Variants in SORCS2 observed in about 807,000 individuals in gnomAD.
SORCS2 encodes sortilin related VPS10 domain containing receptor 2, also known as VPS10 domain-containing receptor SorCS2.
In SORCS2, 100 loss-of-function variants were observed where a neutral mutation model predicts 141.6. The observed-to-expected ratio is 0.71, with a 90% CI of 0.60 to 0.83. The LOEUF (loss-of-function observed/expected upper bound fraction) is 0.83. SORCS2 is among the 40% of genes least tolerant of loss of function. The pLI, the probability that SORCS2 is intolerant of heterozygous loss-of-function variation, is 0.00. For synonymous variants in SORCS2, 789 were observed against 676.9 expected, an observed-to-expected ratio of 1.17 and a Z score of -2.57; for missense variants, 1,646 against 1,560.2, an observed-to-expected ratio of 1.05 and a Z score of -0.93.
chr4:7,699,402 C>A (rs147572534), intron 12 of SORCS2, among the ~76,000 whole-genome samples: 1 of 152,218 alleles, frequency 6.6e-6, no homozygotes, highest in African/African-American at 2.4e-5. Context: ...CGCCCTCCTG[C>A]CCACGCTTGG....
intron 2 of SORCS2, among the ~76,000 whole-genome samples, chr4:7,521,018 G>C (rs962769450): frequency 6.6e-6 from 1 of 152,220 alleles, no homozygotes; most frequent in South Asian, 2.1e-4. Context: ...CCAACACTGA[G>C]TTTTCTGATG....
chr4:7,605,349 T>G (rs1053454154), intron 3 of SORCS2, among the ~76,000 whole-genome samples: 1 of 152,074 alleles, frequency 6.6e-6, no homozygotes, highest in Admixed American at 6.5e-5. Context: ...TCGGGGGAGG[T>G]TAGACGGTGC....
intron 1 of SORCS2, among the ~76,000 whole-genome samples, chr4:7,227,375 G>A (rs981205898): frequency 2.0e-5 from 3 of 152,158 alleles, no homozygotes; most frequent in Admixed American, 6.5e-5. Context: ...TGCATTAACC[G>A]AGGCGAGGGA....
intron 1 of SORCS2, among the ~76,000 whole-genome samples, chr4:7,320,611 G>C (rs1718837550): frequency 6.6e-6 from 1 of 152,234 alleles, no homozygotes; most frequent in South Asian, 2.1e-4. Context: ...CCACACGTCT[G>C]GATGGAGGCT....
chr4:7,215,654 C>T lies in SORCS2; in HGVS notation c.480+22528C>T, dbSNP rs187244630. On this transcript the variant is annotated intron_variant, in intron 1 of 26. Transcript: ENST00000507866. ...GCTCAGGGATTGTAAATACACCAAT[C>T]GGCACTCTGTATCCAGCTCAAGGTT... Among the ~76,000 whole-genome samples, 720 of 152,270 alleles carry T rather than the reference C, an allele frequency of 4.7e-3. 7 individuals carry two copies. Among genetic ancestry groups the T allele is most frequent in the African/African-American group, 0.017 (697 of 41,538 alleles).
At chr4:7,338,224 G>A (rs548425507) in intron 1 of SORCS2, among the ~76,000 whole-genome samples, 3 of 151,354 alleles carry the variant, frequency 2.0e-5, no homozygotes, top group East Asian at 3.9e-4. Flanking sequence ...ATGGATGGAT[G>A]GATGTCGGAT....
At position 7,657,608 on chromosome 4, in the gene SORCS2, GGTGA is replaced by G. The variant is rs530003897; in HGVS notation, c.887+3408_887+3411del. ...GAATGAATGAGCGGGTGAGTGAGTG[GGTGA>G]GTGAGTCACTGAATGAGTTAGTGAG... On this transcript the variant is annotated intron_variant, in intron 5 of 26. Transcript: ENST00000507866. Among the ~76,000 whole-genome samples the G allele has an allele frequency of 8.7e-3, 1,323 of 151,486 alleles. 9 individuals carry two copies. The highest frequency in any genetic ancestry group is 0.021 in the Middle Eastern group (6 of 288).
At chr4:7,522,264 C>T (rs1426759046) in intron 2 of SORCS2, among the ~76,000 whole-genome samples, 1 of 152,072 alleles carries the variant, frequency 6.6e-6, no homozygotes, top group African/African-American at 2.4e-5. Flanking sequence ...CACATACGTC[C>T]CCGCCAATGG....
At chr4:7,225,064 A>G (rs761622042) in intron 1 of SORCS2, among the ~76,000 whole-genome samples, 1 of 152,226 alleles carries the variant, frequency 6.6e-6, no homozygotes, top group Non-Finnish European at 1.5e-5. Context: ...GCAGACTCCT[A>G]TTGATCCTTC....
chr4:7,529,379 G>A (rs1672464605), intron 2 of SORCS2, among the ~76,000 whole-genome samples: 1 of 151,740 alleles, frequency 6.6e-6, no homozygotes, highest in South Asian at 2.1e-4. Flanking sequence ...TCGTCCATCT[G>A]CCTCCTTCCA....
intron 8 of SORCS2, among the ~76,000 whole-genome samples, chr4:7,672,439 T>G (rs1722856293): frequency 6.6e-6 from 1 of 152,216 alleles, no homozygotes; most frequent in Non-Finnish European, 1.5e-5. Context: ...TTTCATGAAT[T>G]TTATATAAAC....
chr4:7,665,166 G>A (rs1722428316), intron 7 of SORCS2, among the ~76,000 whole-genome samples: 1 of 152,154 alleles, frequency 6.6e-6, no homozygotes, highest in African/African-American at 2.4e-5. Context: ...CAGCTGCTGG[G>A]TGCCCTCTCC....
intron 1 of SORCS2, among the ~76,000 whole-genome samples, chr4:7,315,081 C>T (rs1193654086): frequency 1.3e-5 from 2 of 152,254 alleles, no homozygotes; most frequent in African/African-American, 4.8e-5. Flanking sequence ...CATCCACCGA[C>T]CTCGGCCTCC....
intron 3 of SORCS2, among the ~76,000 whole-genome samples, chr4:7,531,942 G>C (rs940186376): frequency 5.3e-5 from 8 of 152,276 alleles, no homozygotes; most frequent in African/African-American, 1.9e-4. Context: ...CCTGGAAGCA[G>C]AGACAGCAGC....
intron 1 of SORCS2, among the ~76,000 whole-genome samples, chr4:7,343,045 G>A (rs1450047975): frequency 2.6e-5 from 4 of 152,184 alleles, no homozygotes; most frequent in South Asian, 4.1e-4. Flanking sequence ...ACAGAGCAAC[G>A]TTGACGTAGT....
rs146662815 is a variant in SORCS2, at chr4:7,524,791, C to T, written c.549-6739C>T. On this transcript the variant is annotated intron_variant, in intron 2 of 26. Transcript: ENST00000507866. ...AGTCGGGTGGTCCCCCTCCCCACCC[C>T]GCCGCCACTGCTTGCCAGCCAGTTT... Among the ~76,000 whole-genome samples the T allele has an allele frequency of 4.6e-3, 700 of 152,118 alleles. 3 individuals are homozygous for T. The highest frequency in any genetic ancestry group is 0.016 in the African/African-American group (656 of 41,514).
intron 4 of SORCS2, among the ~76,000 whole-genome samples, chr4:7,640,228 G>A (rs1051306051): frequency 1.4e-4 from 8 of 57,826 alleles, no homozygotes; most frequent in Admixed American, 4.4e-4. Flanking sequence ...GTGTATGAGC[G>A]TGTGTGTGTG....
chr4:7,462,850 G>A (rs1405272408), intron 2 of SORCS2, among the ~76,000 whole-genome samples: 2 of 149,480 alleles, frequency 1.3e-5, no homozygotes, highest in Admixed American at 6.7e-5. Flanking sequence ...CAGAGGGAGC[G>A]CTCACAACAT....
chr4:7,372,464 G>A (rs538398443), intron 1 of SORCS2, among the ~76,000 whole-genome samples: 5 of 152,010 alleles, frequency 3.3e-5, no homozygotes, highest in African/African-American at 9.7e-5. Context: ...CTGCTACCAC[G>A]CCTGGCTAAT....
Sources: gnomAD v4.1 joint callset for allele counts (sites outside exome capture counted in the v4.1 genomes callset) on GRCh38, gnomAD v4.1.1 for gene constraint, MANE v1.5 for transcripts, NCBI Gene and HGNC (gene_info 2026-07-23, HGNC 2026-07-21) for gene names.